SPATA13: variants seen among roughly 807,000 people sequenced by gnomAD.
SPATA13 encodes the protein spermatogenesis associated 13, also known as spermatogenesis-associated protein 13.
In SPATA13, 50 loss-of-function variants were observed where a neutral mutation model predicts 104.0. That is an observed-to-expected ratio of 0.48 (90% CI 0.38 to 0.61). The LOEUF (loss-of-function observed/expected upper bound fraction) is 0.61. SPATA13 is among the 20% of genes least tolerant of loss of function. The pLI, the probability that SPATA13 is intolerant of heterozygous loss-of-function variation, is 0.00. For synonymous variants in SPATA13, 606 were observed against 667.5 expected, an observed-to-expected ratio of 0.91 and a Z score of 1.42; for missense variants, 1,524 against 1,690.6, an observed-to-expected ratio of 0.90 and a Z score of 1.73.
At chr13:23,989,589 A>T (rs1420841421) in intron 2 of SPATA13, among the ~76,000 whole-genome samples, 1 of 152,080 alleles carries the variant, frequency 6.6e-6, no homozygotes, top group African/African-American at 2.4e-5. Context: ...AACATGCCCC[A>T]CTCTGAACTC....
At chr13:24,240,388 AC>A (rs1325997253) in intron 2 of SPATA13, among the ~76,000 whole-genome samples, 4 of 151,884 alleles carry the variant, frequency 2.6e-5, no homozygotes, top group Non-Finnish European at 5.9e-5. Context: ...AGAAAACGGA[AC>A]CCCCTTGAAC....
At chr13:23,983,968 T>C in intron 2 of SPATA13, 2 of 983,244 alleles carry the variant, frequency 2.0e-6, no homozygotes, top group Non-Finnish European at 2.4e-6. Flanking sequence ...CATGGCATTA[T>C]CCATGCTTAT....
chr13:24,036,442 C>T (rs1029037640), intron 3 of SPATA13, among the ~76,000 whole-genome samples: 10 of 152,190 alleles, frequency 6.6e-5, no homozygotes, highest in African/African-American at 1.9e-4. Context: ...TAGATAATAG[C>T]AGGTTAGCTT....
chr13:24,223,677 A>G lies in SPATA13; in HGVS notation c.748A>G (p.Arg250Gly). 6.4e-7 allele frequency: 1 copy of G among 1,552,250 alleles called. No homozygotes were observed. The highest frequency in any genetic ancestry group is 1.7e-4 in the Middle Eastern group (1 of 5,998). ...RDPENNSMGY[R>G]RSKSTDNLAF... ...CCCTGAAAACAACAGCATGGGCTACAGGAGGAGCAAGAGCACGGACAATCT... is the reference window on the plus strand; with the variant it reads ...CCCTGAAAACAACAGCATGGGCTACGGGAGGAGCAAGAGCACGGACAATCT... The change falls in exon 2 of 13, where the codon AGG becomes GGG. Residue 250 changes from arginine to glycine, a missense_variant. Physicochemically the swap from Arg to Gly is moderately radical, Grantham distance 125 (BLOSUM62 -2). This residue lies in a region of SPATA13 where 1,089 missense variants were observed against 1,135.9 expected (regional missense o/e 0.96). Transcript: ENST00000382108.
In SPATA13 at chr13:24,004,848, C is replaced by T. The variant is rs149357470; in HGVS notation, c.-146-12819C>T. ...AAATGCCAGCCACCTGAGACCCCCA[C>T]ATTAAACCACAAACCCTTCCCATTA... On this transcript the variant is annotated intron_variant, in intron 2 of 14. Coordinates refer to the SPATA13 transcript ENST00000424834. 3.1e-4 allele frequency among the ~76,000 whole-genome samples: 47 copies of T among 152,296 alleles called. No individual in the cohort carries two copies. The East Asian group carries it at 8.5e-3, about 27-fold the overall frequency.
chr13:24,280,934 A>G (rs1279245796), intron 4 of SPATA13, among the ~76,000 whole-genome samples: 1 of 152,150 alleles, frequency 6.6e-6, no homozygotes, highest in East Asian at 1.9e-4. Flanking sequence ...AACAGTCACC[A>G]TGCGTTGTTC....
intron 3 of SPATA13, chr13:24,123,481 C>T (rs532812362): frequency 2.0e-5 from 32 of 1,595,576 alleles, no homozygotes; most frequent in Middle Eastern, 4.0e-4. Context: ...AGTATTTCAG[C>T]GAAAGAGCCA....
chr13:24,289,673 G>A (rs533865915), intron 8 of SPATA13, among the ~76,000 whole-genome samples: 4 of 152,162 alleles, frequency 2.6e-5, no homozygotes, highest in Non-Finnish European at 4.4e-5. Flanking sequence ...AGGCAGACCC[G>A]GGCATGCGGC....
chr13:24,118,494 A>G (rs1019061039), intron 3 of SPATA13, among the ~76,000 whole-genome samples: 1 of 152,172 alleles, frequency 6.6e-6, no homozygotes, highest in Non-Finnish European at 1.5e-5. Context: ...AGCACATGTC[A>G]GATGTGGCTC....
At chr13:24,074,698 A>G (rs4770571) in intron 3 of SPATA13, among the ~76,000 whole-genome samples, 68,603 of 152,040 alleles carry the variant, frequency 0.45, 15,647 homozygotes, top group South Asian at 0.53. Context: ...CCTGGTGGCC[A>G]TTGAAAGAAA....
chr13:24,184,669 G>T (rs544307478), intron 1 of SPATA13, among the ~76,000 whole-genome samples: 24 of 152,250 alleles, frequency 1.6e-4, no homozygotes, highest in African/African-American at 5.5e-4. Flanking sequence ...TTTCTGTGCA[G>T]GACAAAGTTC....
intron 2 of SPATA13, among the ~76,000 whole-genome samples, chr13:24,008,111 G>A (rs1876312531): frequency 6.6e-6 from 1 of 152,216 alleles, no homozygotes; most frequent in Non-Finnish European, 1.5e-5. Flanking sequence ...TAAGGAAGGA[G>A]GTTCAAGCTG....
intron 3 of SPATA13, among the ~76,000 whole-genome samples, chr13:24,038,117 G>A (rs924798730): frequency 5.3e-5 from 8 of 152,062 alleles, no homozygotes; most frequent in South Asian, 2.1e-4. Flanking sequence ...GTTTCACCGT[G>A]TTAGCCAGGA....
Position 23,998,614 on chromosome 13 carries a change from G to A in SPATA13, c.-147+14681G>A, listed in dbSNP as rs529298314. On this transcript the variant is annotated intron_variant, in intron 2 of 14. Transcript: ENST00000424834. The stretch of plus-strand genomic sequence containing the variant: ...TGTCAGTTGTTTTCTTTTAGGGATC[G>A]TGATTTTTTGCTGTATTTGTGAAAT... 6.6e-5 allele frequency among the ~76,000 whole-genome samples: 10 copies of A among 152,258 alleles called. No individual in the cohort carries two copies. The South Asian group carries it at 1.0e-3, about 16-fold the overall frequency.
At chr13:24,137,767 C>CA (rs1028775684) in intron 3 of SPATA13, among the ~76,000 whole-genome samples, 12 of 151,946 alleles carry the variant, frequency 7.9e-5, no homozygotes, top group African/African-American at 1.7e-4. Flanking sequence ...ACTGTCTCTC[C>CA]AAAAAAACCC....
chr13:24,233,925 ACACT>A (rs765759687), intron 2 of SPATA13, among the ~76,000 whole-genome samples: 1 of 145,186 alleles, frequency 6.9e-6, no homozygotes, highest in Non-Finnish European at 1.5e-5. Context: ...ACACACACAC[ACACT>A]GATAAGATTA....
intron 10 of SPATA13, among the ~76,000 whole-genome samples, chr13:24,295,903 C>A (rs1368177311): frequency 2.6e-5 from 4 of 152,116 alleles, no homozygotes; most frequent in African/African-American, 9.7e-5. Context: ...CCACACAGCT[C>A]AAAAGTAGCA....
At chr13:24,089,515 A>G (rs1366401982) in intron 3 of SPATA13, among the ~76,000 whole-genome samples, 4 of 152,222 alleles carry the variant, frequency 2.6e-5, no homozygotes, top group African/African-American at 7.2e-5. Flanking sequence ...GTCTCTATAC[A>G]ATATGCAATA....
At chr13:24,247,627 C>A (rs769087933) in intron 2 of SPATA13, among the ~76,000 whole-genome samples, 12 of 151,958 alleles carry the variant, frequency 7.9e-5, no homozygotes, top group Admixed American at 6.6e-5. Flanking sequence ...GGATTACAGG[C>A]ACCTGTCACC....
Sources: gnomAD v4.1 joint callset for allele counts (sites outside exome capture counted in the v4.1 genomes callset) on GRCh38, gnomAD v4.1.1 for gene constraint, gnomAD v4.1.1 regional missense constraint, MANE v1.5 for transcripts, NCBI Gene and HGNC (gene_info 2026-07-23, HGNC 2026-07-21) for gene names.